Variants in SPC24 observed in about 807,000 individuals in gnomAD.
SPC24 encodes kinetochore protein Spc24.
Under a neutral mutation model 27.6 loss-of-function variants are expected in SPC24, and 31 were observed. The observed-to-expected ratio is 1.12, with a 90% CI of 0.84 to 1.52. SPC24 has a LOEUF of 1.52. Ranked by LOEUF, SPC24 falls within the 40% of genes most tolerant of loss-of-function variation. The pLI is 0.00. For synonymous variants in SPC24, 105 were observed against 105.8 expected, an observed-to-expected ratio of 0.99 and a Z score of 0.05; for missense variants, 284 against 252.5, an observed-to-expected ratio of 1.12 and a Z score of -0.84.
chr19:11,155,653 G>C lies in SPC24; in HGVS notation c.124C>G (p.Leu42Val). The C allele has an allele frequency of 6.4e-7, 1 of 1,553,538 alleles. No homozygotes were observed. The highest frequency in any genetic ancestry group is 8.7e-7 in the Non-Finnish European group (1 of 1,156,014). ...GRHEQVVERL[L>V]ETQDGAEKQL... ...TTCTCGGCACCGTCTTGCGTTTCCA[G>C]CAGCCGCTCCACCACCTGCTCGTGG... Residue 42 changes from leucine to valine, a missense_variant, in exon 1 of 5, where the codon CTG (leucine) becomes GTG (valine). Physicochemically the swap from Leu to Val is conservative, Grantham distance 32. Transcript: ENST00000592540.
intron 4 of SPC24, 78 bp from the exon 5 acceptor site, chr19:11,147,367 C>CT (rs112632133): frequency 0.086 from 63,624 of 742,220 alleles, 315 homozygotes; most frequent in African/African-American, 0.14. Flanking sequence ...ACTGCCTTTA[C>CT]TTTTTTTTTT....
chr19:11,147,973 C>T (rs376692448), intron 3 of SPC24, 40 bp downstream of exon 3: 1 of 1,600,558 alleles, frequency 6.2e-7, no homozygotes, highest in Admixed American at 1.7e-5. Flanking sequence ...CCGGACTGCA[C>T]AAGGAGGCAC....
intron 1 of SPC24, among the ~76,000 whole-genome samples, chr19:11,154,545 A>C (rs1252995618): frequency 6.6e-6 from 1 of 152,200 alleles, no homozygotes; most frequent in Non-Finnish European, 1.5e-5. Flanking sequence ...TCTCACAGTA[A>C]GTACACAAAA....
chr19:11,148,168 G>A (rs2077843912), intron 2 of SPC24, 51 bp from the exon 3 acceptor site: 21 of 1,242,928 alleles, frequency 1.7e-5, no homozygotes, highest in Middle Eastern at 2.3e-4. Flanking sequence ...CTGCCCCTGC[G>A]CTAACTGCAG....
intron 4 of SPC24, 197 bp from the exon 5 acceptor site, chr19:11,147,486 G>A (rs920219753): frequency 3.5e-6 from 2 of 575,294 alleles, no homozygotes; most frequent in South Asian, 2.0e-5. Context: ...TCAGCCTCCT[G>A]AGTAGCTGGG....
chr19:11,147,424 G>A (rs989431476), intron 4 of SPC24, 135 bp from the exon 5 acceptor site: 11 of 616,136 alleles, frequency 1.8e-5, no homozygotes, highest in Non-Finnish European at 2.2e-5. Context: ...ACAGTGGTGC[G>A]ATCTCGGCTC....
rs1325243934 is a variant in SPC24, at chr19:11,155,744, G to A, written c.33C>T (p.Ser11=). MAAFRDIEEV[S]QGLLSLLGAN... ...CGCCCAGCAGGCTGAGCAGCCCCTG[G>A]CTCACCTCCTCTATGTCGCGGAAGG... Residue 11 remains serine (S), a synonymous_variant, in exon 1 of 5, where the codon AGC becomes AGT. Coordinates refer to ENST00000592540, the MANE Select transcript of SPC24 (RefSeq NM_182513.4). 6.3e-7 allele frequency: 1 copy of A among 1,577,338 alleles called. No homozygotes were observed. Among genetic ancestry groups the A allele is most frequent in the South Asian group, 1.1e-5 (1 of 88,212 alleles).
intron 1 of SPC24, 43 bp downstream of exon 1, chr19:11,155,574 G>T: frequency 6.6e-7 from 1 of 1,521,540 alleles, no homozygotes; most frequent in South Asian, 1.2e-5. Flanking sequence ...CCAGCACCCG[G>T]GCCCCTTCCC....
chr19:11,155,391 G>C (rs190336869), intron 1 of SPC24, among the ~76,000 whole-genome samples: 3 of 152,246 alleles, frequency 2.0e-5, no homozygotes, highest in Admixed American at 2.0e-4. Context: ...AACCCCTCCA[G>C]ACTCCTATAT....
At position 11,155,747 on chromosome 19, in the gene SPC24, C is replaced by T; in HGVS notation, c.30G>A (p.Val10=). The T allele has an allele frequency of 6.3e-7, 1 of 1,575,710 alleles. No homozygotes were observed. The highest frequency in any genetic ancestry group is 8.6e-7 in the Non-Finnish European group (1 of 1,168,922). ...CCAGCAGGCTGAGCAGCCCCTGGCT[C>T]ACCTCCTCTATGTCGCGGAAGGCGG... MAAFRDIEE[V]SQGLLSLLGA... Residue 10 remains valine (V), a synonymous_variant, in exon 1 of 5, where the codon GTG becomes GTA. Transcript: ENST00000592540.
In SPC24 at chr19:11,155,713, G is replaced by T. The variant is rs762756979; in HGVS notation, c.64C>A (p.Arg22Ser). 3 of 1,574,958 alleles carry T rather than the reference G, an allele frequency of 1.9e-6. No homozygotes were observed. In the South Asian group the frequency reaches 3.4e-5, roughly 18 times the overall value. ...AGCCGTCGCTGCTGCGCCTCCGCGC[G>T]GTTGGCGCCCAGCAGGCTGAGCAGC... Reference protein sequence around the residue: ...QGLLSLLGANRAEAQQRRLLG... With the variant: ...QGLLSLLGANSAEAQQRRLLG... The change falls in exon 1 of 5, where the codon CGC (arginine) becomes AGC (serine). Residue 22 changes from arginine (R) to serine (S), a missense_variant. Physicochemically the swap from Arg to Ser is moderately radical, Grantham distance 110 (BLOSUM62 -1). Transcript: ENST00000592540.
chr19:11,148,439 C>G (rs1228085898), intron 2 of SPC24, among the ~76,000 whole-genome samples: 3 of 152,050 alleles, frequency 2.0e-5, no homozygotes, highest in Non-Finnish European at 4.4e-5. Flanking sequence ...AACTCCTGAC[C>G]TCAACTGATC....
chr19:11,153,885 G>A (rs2077891709), intron 1 of SPC24, among the ~76,000 whole-genome samples: 2 of 147,780 alleles, frequency 1.4e-5, no homozygotes, highest in Admixed American at 6.9e-5. Flanking sequence ...GGCTAACACG[G>A]TGAAACCCCG....
At chr19:11,153,450 A>C (rs897336702) in intron 1 of SPC24, among the ~76,000 whole-genome samples, 8 of 151,538 alleles carry the variant, frequency 5.3e-5, no homozygotes, top group African/African-American at 1.9e-4. Flanking sequence ...CTCCATATCA[A>C]AAAAATAAAA....
At chr19:11,149,769 G>A (rs1334201967) in intron 1 of SPC24, among the ~76,000 whole-genome samples, 2 of 150,230 alleles carry the variant, frequency 1.3e-5, no homozygotes, top group African/African-American at 4.9e-5. Context: ...AGAGTGCAGT[G>A]GCGCAGTCTT....
chr19:11,152,264 C>T (rs1194054087), intron 1 of SPC24, among the ~76,000 whole-genome samples: 2 of 151,906 alleles, frequency 1.3e-5, no homozygotes, highest in Admixed American at 6.6e-5. Flanking sequence ...GGCTGGAATA[C>T]AGTGGTGTGA....
rs2077817682 is a variant in SPC24 at position 11,145,502 on chromosome 19, T to C, written c.*1681A>G. The C allele has an allele frequency of 6.6e-6, 1 of 152,184 alleles. No individual in the cohort carries two copies. The highest frequency in any genetic ancestry group is 2.1e-4 in the South Asian group (1 of 4,830). The allele number at this position is 152,184 out of a possible 1,614,324, so 9.4% of individuals were successfully genotyped here. A position where few individuals can be genotyped will look rare whatever the true frequency, so the allele number is the denominator to read the frequency against. On this transcript the variant is annotated 3_prime_UTR_variant, in exon 5 of 5. Transcript: ENST00000592540. ...TTGGCCGGCCCTGGACTGGAGTACA[T>C]GTTCAGTTAGGGTTTATTTTGGTAT...
intron 1 of SPC24, among the ~76,000 whole-genome samples, chr19:11,150,960 G>A (rs1216812966): frequency 2.0e-5 from 3 of 151,972 alleles, no homozygotes; most frequent in Non-Finnish European, 2.9e-5. Flanking sequence ...TCAGTAGATC[G>A]AGACCATCCT....
chr19:11,150,185 C>CAAAAAAAA (rs770061574), intron 1 of SPC24, among the ~76,000 whole-genome samples: 2 of 32,274 alleles, frequency 6.2e-5, no homozygotes, highest in Non-Finnish European at 1.2e-4. Flanking sequence ...AACTCCATCT[C>CAAAAAAAA]AAAAAAAAAA....
Sources: gnomAD v4.1 joint callset for allele counts (sites outside exome capture counted in the v4.1 genomes callset) on GRCh38, gnomAD v4.1.1 for gene constraint, MANE v1.5 for transcripts, NCBI Gene and HGNC (gene_info 2026-07-23, HGNC 2026-07-21) for gene names.